Variants in PTPN2 observed in about 807,000 individuals in gnomAD.
The protein encoded by PTPN2 is tyrosine-protein phosphatase non-receptor type 2.
A neutral mutation model predicts 57.3 loss-of-function variants in PTPN2; 19 were observed. The ratio of observed to expected loss-of-function variants is 0.33; its 90% CI spans 0.23 to 0.49. The LOEUF is 0.49. Ranked by LOEUF, PTPN2 falls within the 20% of genes least tolerant of loss-of-function variation. The probability of loss-of-function intolerance (pLI) is 0.99; values close to 1 mark genes in which losing one functional copy is unlikely to be tolerated. For missense variants in PTPN2, 358 were observed against 501.1 expected (o/e 0.71, Z 2.73); for synonymous variants, 153 against 164.9 (o/e 0.93, Z 0.55).
rs569911867 is a variant in PTPN2 at position 12,830,866 on chromosome 18, T to C, written c.360+77A>G. The C allele has an allele frequency of 2.8e-4, 313 of 1,127,940 alleles. 1 individual carries two copies. Among genetic ancestry groups the C allele is most frequent in the Middle Eastern group, 6.2e-4 (2 of 3,250 alleles). The allele number at this position is 1,127,940 out of a possible 1,614,324, so 69.9% of individuals were successfully genotyped here. ...AAGGCCAAAACTAAGGAATGAATATTGGCCCCAAAATGAAAATCTTTATAT... is the reference window on the plus strand; with the variant it reads ...AAGGCCAAAACTAAGGAATGAATATCGGCCCCAAAATGAAAATCTTTATAT... On this transcript the variant is annotated intron_variant, in intron 4 of 8. Coordinates refer to ENST00000309660, the MANE Select transcript of PTPN2 (RefSeq NM_002828.4).
At chr18:12,841,696 CTAAT>C (rs1229130811) in intron 2 of PTPN2, among the ~76,000 whole-genome samples, 4 of 152,228 alleles carry the variant, frequency 2.6e-5, no homozygotes, top group African/African-American at 9.6e-5. Flanking sequence ...GACAATGTCA[CTAAT>C]TAAATTCTGA....
At chr18:12,823,456 C>T (rs1016164344) in intron 5 of PTPN2, among the ~76,000 whole-genome samples, 2 of 152,002 alleles carry the variant, frequency 1.3e-5, no homozygotes, top group South Asian at 2.1e-4. Context: ...GGCAGATCAC[C>T]TGAAGTCAGG....
intron 2 of PTPN2, chr18:12,840,765 C>T (rs893611297): frequency 6.3e-7 from 1 of 1,598,470 alleles, no homozygotes; most frequent in African/African-American, 1.3e-5. Flanking sequence ...CAGTTGGTGC[C>T]TTTACCATCC....
rs529028903 is a variant in PTPN2 at position 12,838,037 on chromosome 18, GTTATA to G, written c.161-1151_161-1147del. 3.3e-3 allele frequency among the ~76,000 whole-genome samples: 501 copies of G among 152,038 alleles called. 8 individuals carry two copies. Among genetic ancestry groups the G allele is most frequent in the African/African-American group, 0.011 (437 of 41,470 alleles). The stretch of plus-strand genomic sequence containing the variant: ...AAAACAGTTTAATCACCCTTTAACT[GTTATA>G]TTATGTAAAATAGTAAAAAGGTCAG... On this transcript the variant is annotated intron_variant, in intron 2 of 8. Transcript: ENST00000309660.
At chr18:12,864,544 C>T (rs1292382146) in intron 1 of PTPN2, among the ~76,000 whole-genome samples, 3 of 151,880 alleles carry the variant, frequency 2.0e-5, no homozygotes, top group South Asian at 2.1e-4. Flanking sequence ...CACAAATGCC[C>T]GCCACCACGC....
intron 5 of PTPN2, among the ~76,000 whole-genome samples, chr18:12,824,542 C>T (rs1406501220): frequency 6.6e-6 from 1 of 152,128 alleles, no homozygotes; most frequent in African/African-American, 2.4e-5. Context: ...ACATACATTC[C>T]TAAAGTCATA....
intron 1 of PTPN2, among the ~76,000 whole-genome samples, chr18:12,881,911 T>C (rs2044678053): frequency 6.6e-6 from 1 of 152,168 alleles, no homozygotes; most frequent in Admixed American, 6.5e-5. Context: ...GAATCCTCAG[T>C]GTCTAACACT....
chr18:12,794,310 A>T lies in PTPN2; in HGVS notation c.1216T>A (p.Trp406Arg), dbSNP rs748317104. The change falls in exon 9 of 9, where the codon TGG (tryptophan) becomes AGG (arginine). Residue 406 changes from tryptophan (W) to arginine (R), a missense_variant. By Grantham distance (101) the Trp-to-Arg change is moderately radical (BLOSUM62 -3). Transcript: ENST00000309660. ...GCATTTTGCTGAAAAAACAGTGTCC[A>T]GCCAACAAAAGCGCCAACCAAAATG... ...SVILVGAFVG[W>R]TLFFQQNAL 1 of 1,614,234 alleles carries T rather than the reference A, an allele frequency of 6.2e-7. No homozygotes were observed. Among genetic ancestry groups the T allele is most frequent in the Non-Finnish European group, 8.5e-7 (1 of 1,180,036 alleles).
At position 12,825,793 on chromosome 18, in the gene PTPN2, G is replaced by C; in HGVS notation, c.495+17C>G. ...CCATCATATAAAGTCCACAATTTCG[G>C]GCAAGAAAGGTCTTACATTGATATT... is the stretch of plus-strand genomic sequence containing the variant. On this transcript the variant is annotated intron_variant, in intron 5 of 8. Coordinates refer to ENST00000309660, the MANE Select transcript of PTPN2 (RefSeq NM_002828.4). 6.3e-7 allele frequency: 1 copy of C among 1,590,862 alleles called. No individual in the cohort carries two copies. Among genetic ancestry groups the C allele is most frequent in the Non-Finnish European group, 8.6e-7 (1 of 1,169,352 alleles).
At chr18:12,789,915 CAG>C (rs1355738518), downstream of PTPN2, among the ~76,000 whole-genome samples, 12 of 149,360 alleles carry the variant, frequency 8.0e-5, no homozygotes, top group Non-Finnish European at 8.9e-5. Flanking sequence ...TTATGAGAGA[CAG>C]AGAGAGAGAG....
At chr18:12,869,792 T>C (rs934023970) in intron 1 of PTPN2, among the ~76,000 whole-genome samples, 1 of 152,224 alleles carries the variant, frequency 6.6e-6, no homozygotes, top group African/African-American at 2.4e-5. Flanking sequence ...TTTCTTTCTT[T>C]ATACTTTAGG....
intron 2 of PTPN2, among the ~76,000 whole-genome samples, chr18:12,837,475 TTA>T (rs1268956323): frequency 2.6e-5 from 4 of 152,190 alleles, no homozygotes; most frequent in African/African-American, 9.6e-5. Context: ...TGTTAACAGT[TTA>T]GAGATATTTC....
intron 1 of PTPN2, among the ~76,000 whole-genome samples, chr18:12,867,786 TG>T (rs2044043130): frequency 6.6e-6 from 1 of 152,214 alleles, no homozygotes; most frequent in African/African-American, 2.4e-5. Context: ...TACTTGGTAC[TG>T]AACATTCTAT....
rs570406466 is a variant in PTPN2, at chr18:12,825,597, A to C, written c.495+213T>G. Among the ~76,000 whole-genome samples the C allele has an allele frequency of 1.2e-4, 19 of 152,232 alleles. No homozygotes were observed. The South Asian group carries it at 2.9e-3, about 23-fold the overall frequency. On this transcript the variant is annotated intron_variant, in intron 5 of 8. Transcript: ENST00000309660. ...ATTAATTTTTAATCCCCAAATATCA[A>C]ACTGAACTTTGAAATTCTTAGTTTC...
At chr18:12,875,967 G>A (rs2044473646) in intron 1 of PTPN2, among the ~76,000 whole-genome samples, 2 of 152,182 alleles carry the variant, frequency 1.3e-5, no homozygotes, top group Non-Finnish European at 2.9e-5. Flanking sequence ...CAGCATTATG[G>A]AAGGGTGAAG....
At chr18:12,816,514 A>G (rs1440530408) in intron 6 of PTPN2, among the ~76,000 whole-genome samples, 1 of 152,202 alleles carries the variant, frequency 6.6e-6, no homozygotes, top group Non-Finnish European at 1.5e-5. Flanking sequence ...TAGGAGAAGT[A>G]TAAGGGCAAA....
intron 2 of PTPN2, among the ~76,000 whole-genome samples, chr18:12,848,249 T>C (rs1367616003): frequency 6.6e-6 from 1 of 152,228 alleles, no homozygotes; most frequent in Non-Finnish European, 1.5e-5. Context: ...CATCTTATAA[T>C]TCTAAGACTA....
At chr18:12,837,012 AAT>A (rs757554888) in intron 2 of PTPN2, 121 bp from the exon 3 acceptor site, 67 of 652,440 alleles carry the variant, frequency 1.0e-4, no homozygotes, top group African/African-American at 1.0e-3. Context: ...TTAGCATCAT[AAT>A]AGAGTTGAGA....
intron 2 of PTPN2, chr18:12,840,789 T>G: frequency 6.3e-7 from 1 of 1,598,446 alleles, no homozygotes; most frequent in Non-Finnish European, 8.5e-7. Flanking sequence ...CCATACATCC[T>G]AAATTCTTGC....
Sources: gnomAD v4.1 joint callset for allele counts (sites outside exome capture counted in the v4.1 genomes callset) on GRCh38, gnomAD v4.1.1 for gene constraint, MANE v1.5 for transcripts, NCBI Gene and HGNC (gene_info 2026-07-23, HGNC 2026-07-21) for gene names.